Variants in KATNAL2 observed in about 807,000 individuals in gnomAD.
The protein encoded by KATNAL2 is katanin p60 ATPase-containing subunit A-like 2.
A neutral mutation model predicts 76.3 loss-of-function variants in KATNAL2; 52 were observed. The observed-to-expected ratio is 0.68, with a 90% CI of 0.55 to 0.86. The LOEUF is 0.86. Among genes scored for constraint, KATNAL2 ranks in the 40% least tolerant of loss-of-function variants. KATNAL2 has a pLI of 0.00. For synonymous variants in KATNAL2, 243 were observed against 244.2 expected, an observed-to-expected ratio of 1.00 and a Z score of 0.05; for missense variants, 660 against 668.9, an observed-to-expected ratio of 0.99 and a Z score of 0.15.
chr18:46,943,633 A>G (rs2059308282), intron 1 of KATNAL2, among the ~76,000 whole-genome samples: 1 of 152,246 alleles, frequency 6.6e-6, no homozygotes, highest in Admixed American at 6.5e-5. Context: ...TAACCAAAAA[A>G]TGGGCAACCA....
intron 1 of KATNAL2, among the ~76,000 whole-genome samples, chr18:46,932,207 G>A (rs77234297): frequency 2.0e-3 from 311 of 151,876 alleles, no homozygotes; most frequent in African/African-American, 7.1e-3. Flanking sequence ...CACCACGCCC[G>A]TCCCACTAGC....
At chr18:47,035,221 T>C in intron 3 of KATNAL2, 1 of 1,612,808 alleles carries the variant, frequency 6.2e-7, no homozygotes, top group South Asian at 1.1e-5. Flanking sequence ...CAGACGCACC[T>C]GCAGCTTCTC....
chr18:47,075,799 G>C (rs1274466850), intron 14 of KATNAL2, among the ~76,000 whole-genome samples: 3 of 152,338 alleles, frequency 2.0e-5, no homozygotes, highest in Middle Eastern at 6.8e-3. Flanking sequence ...GGCAGTCCTC[G>C]ACGGTGTGTG....
At chr18:47,072,364 A>G (rs2062037957) in intron 13 of KATNAL2, among the ~76,000 whole-genome samples, 2 of 152,190 alleles carry the variant, frequency 1.3e-5, no homozygotes, top group South Asian at 4.1e-4. Flanking sequence ...TACTATTAAC[A>G]GTTGCTGGAG....
intron 3 of KATNAL2, among the ~76,000 whole-genome samples, chr18:46,957,249 CTTTTTTTTTTT>C (rs1223846865): frequency 1.4e-5 from 1 of 73,914 alleles, no homozygotes; most frequent in Non-Finnish European, 2.4e-5. Context: ...TTGCCCTCTT[CTTTTTTTTTTT>C]TTTTTTTTTT....
chr18:46,919,807 C>T (rs1249796419), intron 1 of KATNAL2, among the ~76,000 whole-genome samples: 1 of 152,148 alleles, frequency 6.6e-6, no homozygotes, highest in Non-Finnish European at 1.5e-5. Flanking sequence ...TGTCTCTCCA[C>T]CATTAACTTT....
chr18:46,937,240 A>G (rs2059120783), intron 1 of KATNAL2, among the ~76,000 whole-genome samples: 1 of 152,090 alleles, frequency 6.6e-6, no homozygotes, highest in Non-Finnish European at 1.5e-5. Context: ...AACATAGACA[A>G]ATTTCAATTG....
At chr18:47,055,974 C>T (rs375457535) in intron 6 of KATNAL2, among the ~76,000 whole-genome samples, 29 of 152,238 alleles carry the variant, frequency 1.9e-4, no homozygotes, top group African/African-American at 4.3e-4. Context: ...GGTGTTTCTG[C>T]GGACAATTTA....
chr18:46,948,145 C>A (rs2059435617), intron 3 of KATNAL2, among the ~76,000 whole-genome samples: 1 of 152,178 alleles, frequency 6.6e-6, no homozygotes, highest in Non-Finnish European at 1.5e-5. Flanking sequence ...GAGTCTTGCT[C>A]TGTCGCCCAG....
intron 4 of KATNAL2, 109 bp downstream of exon 4, chr18:47,046,636 A>G (rs2147060869): frequency 2.5e-6 from 2 of 803,246 alleles, no homozygotes; most frequent in East Asian, 2.7e-5. Flanking sequence ...GAGCAATTCT[A>G]TATTTACAGA....
chr18:47,075,034 C>T (rs533209385), intron 13 of KATNAL2, among the ~76,000 whole-genome samples: 4 of 152,200 alleles, frequency 2.6e-5, no homozygotes, highest in African/African-American at 7.2e-5. Flanking sequence ...GATTAGTAAC[C>T]TTGGAGTAAC....
At chr18:47,038,983 A>G (rs1470296615) in intron 3 of KATNAL2, among the ~76,000 whole-genome samples, 2 of 152,210 alleles carry the variant, frequency 1.3e-5, no homozygotes, top group East Asian at 3.8e-4. Context: ...TGTCATTGCT[A>G]CACTCCAAAG....
chr18:47,075,510 A>G, intron 14 of KATNAL2, 142 bp downstream of exon 14: 1 of 483,956 alleles, frequency 2.1e-6, no homozygotes, highest in Non-Finnish European at 3.5e-6. Flanking sequence ...CTGCAGACAC[A>G]TGGAAAGGTC....
At chr18:47,043,569 G>T (rs2061047492) in intron 3 of KATNAL2, among the ~76,000 whole-genome samples, 1 of 152,086 alleles carries the variant, frequency 6.6e-6, no homozygotes. Context: ...AGTTTCTAGG[G>T]GATCCAATGC....
intron 3 of KATNAL2, among the ~76,000 whole-genome samples, chr18:46,952,399 T>G (rs1008773043): frequency 2.3e-5 from 3 of 132,544 alleles, no homozygotes; most frequent in Admixed American, 1.5e-4. Context: ...GTATGTTTTT[T>G]TTTTTTTTTT....
intron 1 of KATNAL2, among the ~76,000 whole-genome samples, chr18:46,925,110 C>T (rs189967381): frequency 6.6e-6 from 1 of 152,226 alleles, no homozygotes; most frequent in East Asian, 1.9e-4. Flanking sequence ...CCAGAACTTC[C>T]AACAGTACGT....
chr18:47,100,169 T>G, intron 16 of KATNAL2, 85 bp from the exon 17 acceptor site: 1 of 882,884 alleles, frequency 1.1e-6, no homozygotes, highest in East Asian at 2.4e-5. Flanking sequence ...ACACAGGGCT[T>G]CTGATACTGG....
chr18:47,069,467 T>C lies in KATNAL2; in HGVS notation c.890-15T>C, dbSNP rs370941407. The C allele has an allele frequency of 1.9e-6, 3 of 1,577,814 alleles. No homozygotes were observed. The highest frequency in any genetic ancestry group is 2.6e-6 in the Non-Finnish European group (3 of 1,152,212). Reference sequence around the variant, plus strand: ...AGTTGAAATGCCTGCTCATCTTTTATGTGTTTCTCTTTAGGTACAGGAAAG... The same window carrying C: ...AGTTGAAATGCCTGCTCATCTTTTACGTGTTTCTCTTTAGGTACAGGAAAG... On this transcript the variant is annotated splice_polypyrimidine_tract_variant and intron_variant, in intron 12 of 17. Coordinates refer to ENST00000683218, the MANE Select transcript of KATNAL2 (RefSeq NM_001387690.1).
intron 3 of KATNAL2, among the ~76,000 whole-genome samples, chr18:47,042,418 T>C (rs1341295898): frequency 6.6e-6 from 1 of 152,214 alleles, no homozygotes; most frequent in African/African-American, 2.4e-5. Context: ...AATAAAACTT[T>C]CTATTTGAAT....
Sources: gnomAD v4.1 joint callset for allele counts (sites outside exome capture counted in the v4.1 genomes callset) on GRCh38, gnomAD v4.1.1 for gene constraint, MANE v1.5 for transcripts, NCBI Gene and HGNC (gene_info 2026-07-23, HGNC 2026-07-21) for gene names.